IMMP2L: variants seen among roughly 807,000 people sequenced by gnomAD.
The protein encoded by IMMP2L is mitochondrial inner membrane protease subunit 2.
IMMP2L carries 18 observed loss-of-function variants against 19.3 expected under a neutral mutation model. That is an observed-to-expected ratio of 0.93 (90% CI 0.64 to 1.38). IMMP2L has a LOEUF of 1.38. Among genes scored for constraint, IMMP2L ranks in the 40% most tolerant of loss-of-function variants. The probability of loss-of-function intolerance (pLI) is 0.00; values close to 1 mark genes in which losing one functional copy is unlikely to be tolerated. For synonymous variants in IMMP2L, 76 were observed against 73.0 expected (o/e 1.04, Z -0.21); for missense variants, 233 against 218.2 (o/e 1.07, Z -0.43).
At chr7:111,480,929 C>A (rs1384773440) in intron 3 of IMMP2L, among the ~76,000 whole-genome samples, 1 of 152,088 alleles carries the variant, frequency 6.6e-6, no homozygotes, top group Admixed American at 6.6e-5. Context: ...GTCAAGGAAC[C>A]TTTCAAGATT....
chr7:111,188,138 C>T (rs1279719059), intron 3 of IMMP2L, among the ~76,000 whole-genome samples: 1 of 152,070 alleles, frequency 6.6e-6, no homozygotes, highest in Non-Finnish European at 1.5e-5. Flanking sequence ...CCCTCCACGG[C>T]TTGTGACAGT....
intron 2 of IMMP2L, among the ~76,000 whole-genome samples, chr7:111,507,442 G>A (rs1845028531): frequency 6.6e-6 from 1 of 152,042 alleles, no homozygotes. Context: ...AGTTCTTACA[G>A]TTCACATTTT....
intron 3 of IMMP2L, among the ~76,000 whole-genome samples, chr7:111,333,039 C>T (rs149926769): frequency 6.6e-6 from 1 of 152,096 alleles, no homozygotes; most frequent in East Asian, 1.9e-4. Flanking sequence ...CAGCCCAATC[C>T]AGTCAGGGCT....
At position 111,438,170 on chromosome 7, in the gene IMMP2L, A is replaced by G. The variant is rs563721533; in HGVS notation, c.239+49068T>C. 2.0e-5 allele frequency among the ~76,000 whole-genome samples: 3 copies of G among 151,996 alleles called. No individual in the cohort carries two copies. In the South Asian group the frequency reaches 6.2e-4, roughly 31 times the overall value. On this transcript the variant is annotated intron_variant, in intron 3 of 5. Transcript: ENST00000405709. ...AAGGCCAATATGAATGAATTATAATAGCAGTAAATTTTTAAAGTATTTTTC... is the reference window on the plus strand; with the variant it reads ...AAGGCCAATATGAATGAATTATAATGGCAGTAAATTTTTAAAGTATTTTTC...
At chr7:110,882,924 G>T (rs1198167140) in intron 5 of IMMP2L, among the ~76,000 whole-genome samples, 2 of 151,756 alleles carry the variant, frequency 1.3e-5, no homozygotes, top group African/African-American at 4.8e-5. Flanking sequence ...TTCTCCTGAC[G>T]CATCCCACCC....
At chr7:111,051,819 T>A (rs151297607) in intron 3 of IMMP2L, among the ~76,000 whole-genome samples, 14 of 152,326 alleles carry the variant, frequency 9.2e-5, no homozygotes, top group Admixed American at 8.5e-4. Context: ...TCTTTTAGAA[T>A]AGGTGACAAG....
intron 3 of IMMP2L, among the ~76,000 whole-genome samples, chr7:111,269,846 G>T (rs1374344069): frequency 6.6e-6 from 1 of 152,024 alleles, no homozygotes; most frequent in Non-Finnish European, 1.5e-5. Flanking sequence ...AATTTTCCTG[G>T]AGTTGCACCA....
At chr7:111,028,629 C>G (rs1408657995) in intron 3 of IMMP2L, among the ~76,000 whole-genome samples, 1 of 152,010 alleles carries the variant, frequency 6.6e-6, no homozygotes, top group Non-Finnish European at 1.5e-5. Flanking sequence ...AAAAAATAAA[C>G]TATGTTGAAT....
intron 3 of IMMP2L, among the ~76,000 whole-genome samples, chr7:111,058,210 C>T (rs889892540): frequency 4.6e-5 from 7 of 152,128 alleles, no homozygotes; most frequent in Non-Finnish European, 1.0e-4. Context: ...CTTTTTCTAA[C>T]TCAGGCTGTC....
chr7:111,066,039 C>A (rs943036670), intron 3 of IMMP2L, among the ~76,000 whole-genome samples: 1 of 146,114 alleles, frequency 6.8e-6, no homozygotes, highest in Non-Finnish European at 1.5e-5. Flanking sequence ...AGTGCTATGG[C>A]GCAATCTTGA....
At chr7:111,062,616 G>A (rs1387510444) in intron 3 of IMMP2L, among the ~76,000 whole-genome samples, 1 of 152,174 alleles carries the variant, frequency 6.6e-6, no homozygotes, top group African/African-American at 2.4e-5. Flanking sequence ...CTGCCTATGA[G>A]CCTGTAAAAT....
intron 1 of IMMP2L, among the ~76,000 whole-genome samples, chr7:111,556,015 C>CATATATATATATATAT: frequency 7.5e-5 from 1 of 13,314 alleles, no homozygotes; most frequent in South Asian, 2.5e-3. Flanking sequence ...CTTCTGTGTG[C>CATATATATATATATAT]ATGTATATAT....
intron 3 of IMMP2L, chr7:111,096,984 T>TA: frequency 6.6e-6 from 1 of 151,962 alleles, no homozygotes; most frequent in African/African-American, 2.4e-5. Flanking sequence ...AAAATCCCTT[T>TA]AAAAAATCTT....
At chr7:111,162,632 G>A (rs1009287199) in intron 3 of IMMP2L, among the ~76,000 whole-genome samples, 10 of 151,032 alleles carry the variant, frequency 6.6e-5, no homozygotes, top group African/African-American at 1.7e-4. Flanking sequence ...GATTTTGAGC[G>A]AGTAGTTTTT....
At position 111,522,127 on chromosome 7, in the gene IMMP2L, G is replaced by GGA. The variant is rs560328712; in HGVS notation, c.-2-679_-2-678insTC. On this transcript the variant is annotated intron_variant, in intron 1 of 5. Transcript: ENST00000405709. ...TGGAGGCACCATACTGTCCTGCATTGCTTACATTTGGACTGTTAAATCACA... is the reference window on the plus strand; with the variant it reads ...TGGAGGCACCATACTGTCCTGCATTGGACTTACATTTGGACTGTTAAATCACA... Among the ~76,000 whole-genome samples, 23 of 152,220 alleles carry GGA rather than the reference G, an allele frequency of 1.5e-4. 2 individuals are homozygous for GGA. In the East Asian group the frequency reaches 2.3e-3, roughly 15 times the overall value.
At chr7:111,059,274 G>A (rs531458800) in intron 3 of IMMP2L, among the ~76,000 whole-genome samples, 9 of 152,230 alleles carry the variant, frequency 5.9e-5, no homozygotes, top group Admixed American at 3.3e-4. Flanking sequence ...GAGCCACCAC[G>A]CCCAGCCTTC....
intron 3 of IMMP2L, among the ~76,000 whole-genome samples, chr7:111,153,232 G>T (rs901871069): frequency 3.3e-5 from 5 of 152,038 alleles, no homozygotes; most frequent in Non-Finnish European, 7.4e-5. Context: ...GAATTTTAAA[G>T]AAGATTTATA....
At chr7:111,242,475 G>T (rs530952983) in intron 3 of IMMP2L, among the ~76,000 whole-genome samples, 40 of 152,148 alleles carry the variant, frequency 2.6e-4, no homozygotes, top group African/African-American at 9.2e-4. Context: ...ATCCAGGGGC[G>T]CAGTTAAAGG....
intron 3 of IMMP2L, among the ~76,000 whole-genome samples, chr7:111,303,560 C>T (rs545089411): frequency 6.6e-6 from 1 of 152,146 alleles, no homozygotes; most frequent in South Asian, 2.1e-4. Context: ...TTTTGTGGGA[C>T]TCCTTTCATA....
Sources: gnomAD v4.1 joint callset for allele counts (sites outside exome capture counted in the v4.1 genomes callset) on GRCh38, gnomAD v4.1.1 for gene constraint, MANE v1.5 for transcripts, NCBI Gene and HGNC (gene_info 2026-07-23, HGNC 2026-07-21) for gene names.